ANKRD6: variants seen among roughly 807,000 people sequenced by gnomAD.
ANKRD6 encodes the protein ankyrin repeat domain 6.
Under a neutral mutation model 82.3 loss-of-function variants are expected in ANKRD6, and 56 were observed. That is an observed-to-expected ratio of 0.68 (90% CI 0.55 to 0.85). ANKRD6 has a LOEUF of 0.85. ANKRD6 is among the 40% of genes least tolerant of loss of function. ANKRD6 has a pLI of 0.00. For synonymous variants in ANKRD6, 347 were observed against 352.1 expected (o/e 0.99, Z 0.16); for missense variants, 852 against 907.6 (o/e 0.94, Z 0.79).
At chr6:89,528,018 C>T (rs1171553832) in intron 1 of ANKRD6, among the ~76,000 whole-genome samples, 1 of 152,122 alleles carries the variant, frequency 6.6e-6, no homozygotes, top group African/African-American at 2.4e-5. Context: ...ACTATGTTGC[C>T]CAAGCTGATC....
At chr6:89,502,532 A>G (rs1779379689) in intron 1 of ANKRD6, among the ~76,000 whole-genome samples, 1 of 151,972 alleles carries the variant, frequency 6.6e-6, no homozygotes, top group Non-Finnish European at 1.5e-5. Flanking sequence ...AAAAAGGATA[A>G]AGGGAAATAG....
At chr6:89,555,491 A>C (rs1786465643) in intron 1 of ANKRD6, among the ~76,000 whole-genome samples, 1 of 152,178 alleles carries the variant, frequency 6.6e-6, no homozygotes, top group Admixed American at 6.5e-5. Context: ...AATCAGTAGC[A>C]GACCTGGGAT....
At chr6:89,583,748 A>T (rs1168324489) in intron 2 of ANKRD6, among the ~76,000 whole-genome samples, 1 of 152,216 alleles carries the variant, frequency 6.6e-6, no homozygotes, top group Non-Finnish European at 1.5e-5. Flanking sequence ...CCTGCCCCTC[A>T]CTGCCTATGC....
At chr6:89,435,615 C>T (rs757405513) in intron 1 of ANKRD6, among the ~76,000 whole-genome samples, 1 of 152,220 alleles carries the variant, frequency 6.6e-6, no homozygotes, top group African/African-American at 2.4e-5. Flanking sequence ...CCAAGTTTCT[C>T]CTGTCTCCCT....
At position 89,633,470 on chromosome 6, in the gene ANKRD6, T is replaced by TA. The variant is rs1353804862; in HGVS notation, c.*2467dup. 6.6e-6 allele frequency: 1 copy of TA among 152,200 alleles called. No individual in the cohort carries two copies. Among genetic ancestry groups the TA allele is most frequent in the Admixed American group, 6.5e-5 (1 of 15,284 alleles). The allele number at this position is 152,200 out of a possible 1,614,324, so 9.4% of individuals were successfully genotyped here. On this transcript the variant is annotated 3_prime_UTR_variant, in exon 16 of 16. Coordinates refer to ENST00000339746, the MANE Select transcript of ANKRD6 (RefSeq NM_001242809.2). Reference sequence around the variant, plus strand: ...CAAAGAAAAAGAACTATTGACAACTTATAGCCTGTCATGCAGGTCATGTTT... The same window carrying TA: ...CAAAGAAAAAGAACTATTGACAACTTAATAGCCTGTCATGCAGGTCATGTTT...
chr6:89,563,554 G>A (rs1372881219), intron 1 of ANKRD6, among the ~76,000 whole-genome samples: 2 of 152,192 alleles, frequency 1.3e-5, no homozygotes, highest in Non-Finnish European at 2.9e-5. Flanking sequence ...GATCTACTTG[G>A]AAGAGGAGGC....
At chr6:89,489,836 T>G (rs751308813) in intron 1 of ANKRD6, among the ~76,000 whole-genome samples, 3 of 152,224 alleles carry the variant, frequency 2.0e-5, no homozygotes, top group Non-Finnish European at 2.9e-5. Flanking sequence ...TGGAGCCCTT[T>G]AAATTTATTA....
chr6:89,525,649 T>C (rs1401296234), intron 1 of ANKRD6, among the ~76,000 whole-genome samples: 2 of 152,208 alleles, frequency 1.3e-5, no homozygotes, highest in African/African-American at 4.8e-5. Context: ...TATCATAGAA[T>C]AGAGTCATAC....
intron 2 of ANKRD6, among the ~76,000 whole-genome samples, chr6:89,586,913 G>C (rs780973999): frequency 2.0e-5 from 3 of 152,148 alleles, no homozygotes. Context: ...TCTTGGCCGG[G>C]CACAGTGGCT....
At chr6:89,590,691 C>A (rs961949425) in intron 2 of ANKRD6, among the ~76,000 whole-genome samples, 1 of 152,178 alleles carries the variant, frequency 6.6e-6, no homozygotes, top group Non-Finnish European at 1.5e-5. Context: ...ACCCTTACCC[C>A]CAACACAACC....
At position 89,621,938 on chromosome 6, in the gene ANKRD6, G is replaced by A. The variant is rs763822768; in HGVS notation, c.809G>A (p.Arg270His). ...TKAPQVLRFSRGRSLRKKRER... is the reference protein window; with the variant it reads ...TKAPQVLRFSHGRSLRKKRER... Reference sequence around the variant, plus strand: ...CTCCTTCAGGTCTTGCGCTTCAGTCGTGGGCGAAGCCTGAGGAAAAAGAGA... The same window carrying A: ...CTCCTTCAGGTCTTGCGCTTCAGTCATGGGCGAAGCCTGAGGAAAAAGAGA... The change falls in exon 10 of 16, where the codon CGT becomes CAT. Residue 270 changes from arginine (R) to histidine (H), a missense_variant. By Grantham distance (29) the Arg-to-His change is conservative. Transcript: ENST00000339746. 1.2e-6 allele frequency: 2 copies of A among 1,613,854 alleles called. No individual in the cohort carries two copies. The highest frequency in any genetic ancestry group is 1.7e-6 in the Non-Finnish European group (2 of 1,179,890).
chr6:89,620,739 G>T (rs1264433024), intron 9 of ANKRD6, among the ~76,000 whole-genome samples: 5 of 152,066 alleles, frequency 3.3e-5, no homozygotes, highest in Non-Finnish European at 4.4e-5. Context: ...GAATCCCAAC[G>T]ACTCCCCGTT....
chr6:89,538,041 T>A (rs1428759629), intron 1 of ANKRD6, among the ~76,000 whole-genome samples: 1 of 152,204 alleles, frequency 6.6e-6, no homozygotes, highest in Non-Finnish European at 1.5e-5. Context: ...AAATGCACTC[T>A]TCTAAAAAAA....
intron 1 of ANKRD6, among the ~76,000 whole-genome samples, chr6:89,534,437 A>G (rs1367925588): frequency 1.3e-5 from 2 of 152,250 alleles, no homozygotes; most frequent in Non-Finnish European, 2.9e-5. Context: ...GGGAAAAGAA[A>G]AAAAAGCTTG....
chr6:89,495,141 G>A (rs1037992338), intron 1 of ANKRD6, among the ~76,000 whole-genome samples: 3 of 152,234 alleles, frequency 2.0e-5, no homozygotes, highest in Non-Finnish European at 4.4e-5. Flanking sequence ...GGCTGAGGCA[G>A]GAGAAGGCAT....
Position 89,627,597 on chromosome 6 carries a change from C to T in ANKRD6, c.1386C>T (p.Asp462=). Residue 462 remains aspartate, a synonymous_variant, in exon 14 of 16, where the codon GAC becomes GAT. Transcript: ENST00000339746. ...TTCACTCCTAGATGCGTGTTTTGGACAAGCTGATGGTTGAGCGACTTTCTG... is the reference window on the plus strand; with the variant it reads ...TTCACTCCTAGATGCGTGTTTTGGATAAGCTGATGGTTGAGCGACTTTCTG... ...NKTQHQMRVL[D]KLMVERLSAE... 1.9e-6 allele frequency: 3 copies of T among 1,613,654 alleles called. No homozygotes were observed. The highest frequency in any genetic ancestry group is 2.5e-6 in the Non-Finnish European group (3 of 1,179,688).
chr6:89,523,688 C>A (rs145066964), intron 1 of ANKRD6, among the ~76,000 whole-genome samples: 24 of 152,220 alleles, frequency 1.6e-4, no homozygotes, highest in African/African-American at 5.3e-4. Flanking sequence ...TGTGGCATAC[C>A]CAGGCTGCCA....
intron 1 of ANKRD6, among the ~76,000 whole-genome samples, chr6:89,547,813 A>T (rs114814932): frequency 6.6e-6 from 1 of 152,186 alleles, no homozygotes; most frequent in Non-Finnish European, 1.5e-5. Flanking sequence ...TGTCACTTCA[A>T]TTGTTAATGG....
chr6:89,504,776 A>G (rs1779656240), intron 1 of ANKRD6, among the ~76,000 whole-genome samples: 2 of 152,308 alleles, frequency 1.3e-5, no homozygotes, highest in Non-Finnish European at 2.9e-5. Context: ...AGTGTGGGGA[A>G]TAGAACTTAG....
Sources: gnomAD v4.1 joint callset for allele counts (sites outside exome capture counted in the v4.1 genomes callset) on GRCh38, gnomAD v4.1.1 for gene constraint, MANE v1.5 for transcripts, NCBI Gene and HGNC (gene_info 2026-07-23, HGNC 2026-07-21) for gene names.